The following PCTP variants were observed in gnomAD, a reference collection of about 807,000 sequenced individuals.
PCTP encodes START domain-containing protein 2.
A neutral mutation model predicts 31.0 loss-of-function variants in PCTP; 27 were observed. The observed-to-expected ratio is 0.87, with a 90% CI of 0.64 to 1.20. The LOEUF (loss-of-function observed/expected upper bound fraction) is 1.20, where lower values mean the gene tolerates loss of function less well. Among genes scored for constraint, PCTP ranks in the 50% most tolerant of loss-of-function variants. The probability of loss-of-function intolerance (pLI) is 0.00; values close to 1 mark genes in which losing one functional copy is unlikely to be tolerated. For synonymous variants in PCTP, 108 were observed against 101.2 expected (o/e 1.07, Z -0.40); for missense variants, 287 against 268.2 (o/e 1.07, Z -0.49).
chr17:55,751,556 C>G, intron 1 of PCTP: 2 of 1,327,156 alleles, frequency 1.5e-6, no homozygotes, highest in Non-Finnish European at 2.0e-6. Context: ...CCCGTGCACA[C>G]GTCTGCAAGG....
At chr17:55,771,054 G>C (rs1250975202) in intron 2 of PCTP, 52 bp from the exon 3 acceptor site, 9 of 1,399,964 alleles carry the variant, frequency 6.4e-6, no homozygotes, top group Non-Finnish European at 8.1e-6. Context: ...ACCCTTATTA[G>C]TTGTAGCTAA....
At chr17:55,822,348 T>C (rs891303475) in intron 3 of PCTP, among the ~76,000 whole-genome samples, 4 of 152,174 alleles carry the variant, frequency 2.6e-5, no homozygotes, top group Admixed American at 6.5e-5. Flanking sequence ...TTTCAGGATG[T>C]TTGACTGAGT....
rs9894355 is a variant in PCTP, at chr17:55,776,939, T to A, written c.*839T>A. 0.011 allele frequency: 11,012 copies of A among 987,104 alleles called. 666 individuals carry two copies. The African/African-American group carries it at 0.14, about 13-fold the overall frequency. 61.1% of individuals were successfully genotyped at this position (987,104 alleles called of 1,614,324 possible). On this transcript the variant is annotated 3_prime_UTR_variant, in exon 6 of 6. Transcript: ENST00000268896. ...GCAGCTAGCAAAAGCAAAGATGCTT[T>A]GTGCATAGCCTTGTGAAAAAGTATC...
chr17:55,815,353 C>T (rs528969529), intron 3 of PCTP, among the ~76,000 whole-genome samples: 1 of 152,146 alleles, frequency 6.6e-6, no homozygotes, highest in Non-Finnish European at 1.5e-5. Context: ...TAAAATTAAT[C>T]AAGCCCACTC....
At chr17:55,838,072 T>C (rs112269441) in intron 5 of PCTP, among the ~76,000 whole-genome samples, 4 of 152,274 alleles carry the variant, frequency 2.6e-5, no homozygotes, top group African/African-American at 7.2e-5. Context: ...GCCCAGGAGA[T>C]TGAGGCTGCA....
intron 3 of PCTP, among the ~76,000 whole-genome samples, chr17:55,808,958 A>G (rs17820337): frequency 0.027 from 4,060 of 152,308 alleles, 71 homozygotes; most frequent in Non-Finnish European, 0.041. Context: ...TTTCTCCTCA[A>G]TATCTGGTGA....
chr17:55,774,893 T>TGGGGGG, intron 5 of PCTP, 34 bp downstream of exon 5: 1 of 549,184 alleles, frequency 1.8e-6, no homozygotes, highest in Non-Finnish European at 3.5e-6. Context: ...GGGGGAGGGA[T>TGGGGGG]GGGGGAGTGT....
chr17:55,840,874 A>G (rs1328855075), intron 5 of PCTP, among the ~76,000 whole-genome samples: 3 of 152,218 alleles, frequency 2.0e-5, no homozygotes, highest in Admixed American at 6.5e-5. Flanking sequence ...GGATTTTTGG[A>G]TTTGGGATGC....
downstream of PCTP, among the ~76,000 whole-genome samples, chr17:55,827,657 C>T (rs371558285): frequency 1.1e-4 from 17 of 152,292 alleles, no homozygotes; most frequent in South Asian, 1.4e-3. Flanking sequence ...GAACATTCCC[C>T]GTTAGAGGAG....
downstream of PCTP, among the ~76,000 whole-genome samples, chr17:55,846,749 A>G (rs554437681): frequency 2.6e-5 from 4 of 152,348 alleles, no homozygotes; most frequent in South Asian, 6.2e-4. Flanking sequence ...ATTGTCAAAG[A>G]TTCAGAGCCT....
intron 3 of PCTP, among the ~76,000 whole-genome samples, chr17:55,792,388 G>T (rs1406454492): frequency 6.6e-6 from 1 of 151,542 alleles, no homozygotes; most frequent in Non-Finnish European, 1.5e-5. Context: ...GTTTGAAAAG[G>T]AGGGAATGTA....
intron 3 of PCTP, among the ~76,000 whole-genome samples, chr17:55,818,236 G>A (rs190143479): frequency 1.3e-5 from 2 of 152,080 alleles, no homozygotes; most frequent in African/African-American, 2.4e-5. Flanking sequence ...CATGTCTTGG[G>A]TGGGTAGGCA....
chr17:55,767,556 C>T, intron 2 of PCTP, 104 bp downstream of exon 2: 3 of 713,286 alleles, frequency 4.2e-6, no homozygotes, highest in Admixed American at 2.6e-5. Flanking sequence ...TCTCCGCCTC[C>T]TGGGTTCAAG....
chr17:55,849,973 A>G, the PCTP span, among the ~76,000 whole-genome samples: 1 of 152,148 alleles, frequency 6.6e-6, no homozygotes, highest in African/African-American at 2.4e-5. Context: ...ACTAAAGTTT[A>G]TATTTATTAG....
downstream of PCTP, among the ~76,000 whole-genome samples, chr17:55,825,803 A>G (rs1905377210): frequency 6.6e-6 from 1 of 152,190 alleles, no homozygotes; most frequent in Non-Finnish European, 1.5e-5. Context: ...CCCTGTCTCT[A>G]CACATCACTT....
At chr17:55,810,721 T>C (rs963793124) in intron 3 of PCTP, among the ~76,000 whole-genome samples, 5 of 152,196 alleles carry the variant, frequency 3.3e-5, no homozygotes, top group Non-Finnish European at 5.9e-5. Flanking sequence ...GTTGGGATGC[T>C]TCCCTAAGAG....
chr17:55,767,380 T>C lies in PCTP; in HGVS notation c.187T>C (p.Cys63Arg). The C allele has an allele frequency of 1.2e-6, 2 of 1,613,610 alleles. No homozygotes were observed. The highest frequency in any genetic ancestry group is 1.7e-6 in the Non-Finnish European group (2 of 1,179,564). ...EYKVFGVLED[C>R]SPTLLADIYM... ...TAAAGTCTTTGGTGTTCTGGAGGAC[T>C]GCTCACCAACTCTACTGGCAGACAT... The change falls in exon 2 of 6, where the codon TGC becomes CGC. Residue 63 changes from cysteine to arginine, a missense_variant. By Grantham distance (180) the Cys-to-Arg change is radical (BLOSUM62 -3). Transcript: ENST00000268896.
intron 1 of PCTP, 199 bp downstream of exon 1, chr17:55,751,443 A>G: frequency 1.3e-6 from 2 of 1,533,656 alleles, no homozygotes; most frequent in South Asian, 2.4e-5. Flanking sequence ...GTGCAGATCC[A>G]GGGGAGTTGG....
intron 5 of PCTP, among the ~76,000 whole-genome samples, chr17:55,839,945 A>C (rs112993800): frequency 0.047 from 6,794 of 143,914 alleles, 288 homozygotes; most frequent in Non-Finnish European, 0.072. Context: ...AAAAAAAAAA[A>C]AACAACTGAA....
Sources: allele counts gnomAD v4.1 joint callset (sites outside exome capture counted in the v4.1 genomes callset), GRCh38; gene constraint gnomAD v4.1.1; transcripts MANE v1.5; gene names NCBI Gene and HGNC (gene_info 2026-07-23, HGNC 2026-07-21).